Variants in FBXW2 observed in about 807,000 individuals in gnomAD.
FBXW2 encodes the protein F-box/WD repeat-containing protein 2.
In FBXW2, 12 loss-of-function variants were observed where a neutral mutation model predicts 46.0. The observed-to-expected ratio is 0.26, with a 90% CI of 0.17 to 0.42. The LOEUF (loss-of-function observed/expected upper bound fraction) is 0.42, where lower values mean the gene tolerates loss of function less well. Among genes scored for constraint, FBXW2 ranks in the 10% least tolerant of loss-of-function variants. The probability of loss-of-function intolerance (pLI) is 1.00; values close to 1 mark genes in which losing one functional copy is unlikely to be tolerated. For synonymous variants in FBXW2, 203 were observed against 209.6 expected, an observed-to-expected ratio of 0.97 and a Z score of 0.27; for missense variants, 360 against 537.0, an observed-to-expected ratio of 0.67 and a Z score of 3.26.
chr9:120,781,661 C>T (rs914167284), intron 3 of FBXW2, among the ~76,000 whole-genome samples: 3 of 151,520 alleles, frequency 2.0e-5, no homozygotes, highest in African/African-American at 7.3e-5. Context: ...CACACACACA[C>T]ACACACACAC....
chr9:120,764,574 C>T lies in FBXW2; in HGVS notation c.1350G>A (p.Trp450Ter). The stretch of plus-strand genomic sequence containing the variant: ...GCTCATGGTGTCAGCCGTGCTCCTT[C>T]CACAACACCAGGTGAATACTGTGGT... ...MPDHSIHLVL[W>*]KEHG Residue 450 changes from tryptophan to a stop codon, truncating the protein, a stop_gained, in exon 8 of 8, where the codon TGG (tryptophan) becomes TGA (stop). Transcript: ENST00000608872. LOFTEE classifies it high-confidence loss of function. The T allele has an allele frequency of 6.2e-7, 1 of 1,613,256 alleles. No individual in the cohort carries two copies. The highest frequency in any genetic ancestry group is 1.3e-5 in the African/African-American group (1 of 75,050).
In FBXW2 at chr9:120,787,913, C is replaced by A; in HGVS notation, c.346G>T (p.Ala116Ser). ...GWQIDDSVQD[A>S]LHWKKVYLKA... ...AAATAAACCTTCTTCCAGTGCAAAGCGTCCTGAACAGAATCATCTATCTGC... is the reference window on the plus strand; with the variant it reads ...AAATAAACCTTCTTCCAGTGCAAAGAGTCCTGAACAGAATCATCTATCTGC... Residue 116 changes from alanine to serine, a missense_variant, in exon 3 of 8, where the codon GCT becomes TCT. Ala to Ser is a moderately conservative substitution (Grantham distance 99). Coordinates refer to ENST00000608872, the MANE Select transcript of FBXW2 (RefSeq NM_012164.4). The A allele has an allele frequency of 6.2e-7, 1 of 1,614,200 alleles. No homozygotes were observed. The highest frequency in any genetic ancestry group is 8.5e-7 in the Non-Finnish European group (1 of 1,180,040).
chr9:120,777,078 A>G (rs2044512467), intron 4 of FBXW2, among the ~76,000 whole-genome samples: 1 of 152,176 alleles, frequency 6.6e-6, no homozygotes, highest in South Asian at 2.1e-4. Flanking sequence ...AAGCAGAGGG[A>G]ATAGTAAAGG....
intron 5 of FBXW2, among the ~76,000 whole-genome samples, chr9:120,775,008 T>G (rs934583773): frequency 2.0e-5 from 3 of 152,222 alleles, no homozygotes; most frequent in African/African-American, 7.2e-5. Flanking sequence ...CTATTTATTC[T>G]TCATGTTTAA....
intron 7 of FBXW2, among the ~76,000 whole-genome samples, chr9:120,768,180 A>T (rs142672140): frequency 2.3e-3 from 356 of 152,094 alleles, no homozygotes; most frequent in Non-Finnish European, 3.9e-3. Context: ...CTGTACACCC[A>T]CTCCTGGTAC....
chr9:120,792,313 T>C (rs1241037224), intron 2 of FBXW2: 5 of 152,024 alleles, frequency 3.3e-5, no homozygotes, highest in Non-Finnish European at 7.4e-5. Context: ...TAATTGTTAG[T>C]GGTAGAGGGA....
In FBXW2 at chr9:120,764,092, T is replaced by C. The variant is rs2044233140; in HGVS notation, c.*467A>G. ...GTGGAAGTTTTAACACTGGCTCTTA[T>C]AAGAGCTAAACCCCGTGTGAGGAAA... On this transcript the variant is annotated 3_prime_UTR_variant, in exon 8 of 8. Coordinates refer to ENST00000608872, the MANE Select transcript of FBXW2 (RefSeq NM_012164.4). 1 of 282,156 alleles carries C rather than the reference T, an allele frequency of 3.5e-6. No individual in the cohort carries two copies. Among genetic ancestry groups the C allele is most frequent in the East Asian group, 6.3e-5 (1 of 15,946 alleles). The allele number at this position is 282,156 out of a possible 1,614,324, so 17.5% of individuals were successfully genotyped here. A position where few individuals can be genotyped will look rare whatever the true frequency, so the allele number is the denominator to read the frequency against.
intron 2 of FBXW2, among the ~76,000 whole-genome samples, chr9:120,790,750 A>G (rs2044820986): frequency 6.6e-6 from 1 of 152,216 alleles, no homozygotes; most frequent in Admixed American, 6.5e-5. Context: ...ACATACTATA[A>G]TATGCCAAAT....
At chr9:120,780,756 G>C (rs1296621282) in intron 3 of FBXW2, among the ~76,000 whole-genome samples, 1 of 152,260 alleles carries the variant, frequency 6.6e-6, no homozygotes, top group Non-Finnish European at 1.5e-5. Flanking sequence ...GTGTCAGGCA[G>C]GATTCTTGTT....
chr9:120,792,635 A>C (rs922183547), intron 2 of FBXW2: 2 of 220,912 alleles, frequency 9.1e-6, no homozygotes, highest in Non-Finnish European at 1.9e-5. Flanking sequence ...TGTGTTCTGC[A>C]ACTCCACTTG....
At chr9:120,784,487 T>C (rs1333641140) in intron 3 of FBXW2, among the ~76,000 whole-genome samples, 2 of 151,624 alleles carry the variant, frequency 1.3e-5, no homozygotes, top group Non-Finnish European at 2.9e-5. Context: ...GGTTGCTCGC[T>C]TGTAGTCCCA....
In FBXW2 at chr9:120,764,528, CAA is replaced by C; in HGVS notation, c.*29_*30del. The C allele has an allele frequency of 6.3e-7, 1 of 1,594,398 alleles. No homozygotes were observed. Among genetic ancestry groups the C allele is most frequent in the South Asian group, 1.1e-5 (1 of 89,972 alleles). ...ACCCAAAACCCGCAGCCCCGGCACC[CAA>C]AGTCAGTCAGCGGTGGTGGCTCATG... On this transcript the variant is annotated 3_prime_UTR_variant, in exon 8 of 8. Coordinates refer to ENST00000608872, the MANE Select transcript of FBXW2 (RefSeq NM_012164.4).
chr9:120,765,014 A>AT (rs1167257719), intron 7 of FBXW2, among the ~76,000 whole-genome samples, 167 bp from the exon 8 acceptor site: 1 of 152,168 alleles, frequency 6.6e-6, no homozygotes, highest in African/African-American at 2.4e-5. Context: ...CAGCCCACTT[A>AT]TAAAAAAGCC....
intron 3 of FBXW2, among the ~76,000 whole-genome samples, chr9:120,783,594 T>C (rs1410565860): frequency 6.6e-6 from 1 of 152,214 alleles, no homozygotes; most frequent in African/African-American, 2.4e-5. Context: ...CTGCACTCTT[T>C]AGAAAGGCAA....
intron 5 of FBXW2, among the ~76,000 whole-genome samples, chr9:120,775,304 A>G (rs899227386): frequency 6.6e-6 from 1 of 152,188 alleles, no homozygotes; most frequent in Non-Finnish European, 1.5e-5. Flanking sequence ...TTGGCCTCCC[A>G]AAGTGCTGGG....
At chr9:120,788,419 A>G (rs1444348736) in intron 2 of FBXW2, 141 bp from the exon 3 acceptor site, 1 of 704,224 alleles carries the variant, frequency 1.4e-6, no homozygotes, top group Non-Finnish European at 2.4e-6. Flanking sequence ...CTTTACAGTT[A>G]ATACACCATA....
chr9:120,773,690 A>C (rs2131312796), intron 5 of FBXW2, among the ~76,000 whole-genome samples: 1 of 152,316 alleles, frequency 6.6e-6, no homozygotes, highest in Middle Eastern at 3.4e-3. Flanking sequence ...GACTCAACTG[A>C]AACAGACCTA....
At position 120,776,178 on chromosome 9, in the gene FBXW2, G is replaced by A; in HGVS notation, c.734C>T (p.Ser245Phe). Residue 245 changes from serine (S) to phenylalanine (F), a missense_variant, in exon 5 of 8, where the codon TCT (serine) becomes TTT (phenylalanine). By Grantham distance (155) the Ser-to-Phe change is radical. Coordinates refer to ENST00000608872, the MANE Select transcript of FBXW2 (RefSeq NM_012164.4). ...CCATACTTTCACAGTGAAGTCTGCA[G>A]AGCCGCTCACCAAGATATCCAGTTC... is the stretch of plus-strand genomic sequence containing the variant. ...NDELDILVSG[S>F]ADFTVKVWAL... 1 of 1,614,118 alleles carries A rather than the reference G, an allele frequency of 6.2e-7. No individual in the cohort carries two copies. The highest frequency in any genetic ancestry group is 8.5e-7 in the Non-Finnish European group (1 of 1,180,018).
chr9:120,783,089 G>A (rs1460061469), intron 3 of FBXW2, among the ~76,000 whole-genome samples: 1 of 151,534 alleles, frequency 6.6e-6, no homozygotes, highest in Non-Finnish European at 1.5e-5. Flanking sequence ...TGTTATGTAT[G>A]TTTTCGCACA....
Sources: gnomAD v4.1 joint callset for allele counts (sites outside exome capture counted in the v4.1 genomes callset) on GRCh38, gnomAD v4.1.1 for gene constraint, MANE v1.5 for transcripts, NCBI Gene and HGNC (gene_info 2026-07-23, HGNC 2026-07-21) for gene names.